The following ZNF544 variants were observed in gnomAD, a reference collection of about 807,000 sequenced individuals.
ZNF544 encodes the protein zinc finger protein 544.
A neutral mutation model predicts 13.5 loss-of-function variants in ZNF544; 10 were observed. The observed-to-expected ratio is 0.74, with a 90% confidence interval of 0.46 to 1.25. The LOEUF (loss-of-function observed/expected upper bound fraction) is 1.25, where lower values mean the gene tolerates loss of function less well. ZNF544 is among the 50% of genes most tolerant of loss of function. The pLI is 0.00. For missense variants in ZNF544, 896 were observed against 845.6 expected, an observed-to-expected ratio of 1.06 and a Z score of -0.74; for synonymous variants, 323 against 300.5, an observed-to-expected ratio of 1.07 and a Z score of -0.77.
chr19:58,276,334 C>G (rs549430276), exon 6 of ZNF544: 1 of 1,231,462 alleles, frequency 8.1e-7, no homozygotes, highest in African/African-American at 1.5e-5. Context: ...GAAGGGGATG[C>G]TGCCTGGGAG....
intron 6 of ZNF544, among the ~76,000 whole-genome samples, chr19:58,254,509 G>C (rs2046859976): frequency 6.6e-6 from 1 of 152,164 alleles, no homozygotes; most frequent in Non-Finnish European, 1.5e-5. Flanking sequence ...CCTCAGCCTA[G>C]GGTGTCCCCT....
At chr19:58,274,261 C>T (rs948052448) in intron 5 of ZNF544, among the ~76,000 whole-genome samples, 3 of 151,914 alleles carry the variant, frequency 2.0e-5, no homozygotes, top group East Asian at 1.9e-4. Context: ...AAGTTCTAAC[C>T]CATAGTACCT....
rs1251256528 is a variant in ZNF544 at position 58,262,694 on chromosome 19, C to T, written c.2088C>T (p.Ser696=). 2 of 1,612,256 alleles carry T rather than the reference C, an allele frequency of 1.2e-6. No homozygotes were observed. The highest frequency in any genetic ancestry group is 1.1e-5 in the South Asian group (1 of 90,992). Residue 696 remains serine (S), a synonymous_variant, in exon 7 of 7, where the codon TCC becomes TCT. Transcript: ENST00000687789. ...KPYECSDCGK[S]FRQQSQLVVH... ...ATGAATGTAGTGACTGTGGGAAATC[C>T]TTCCGGCAGCAATCTCAACTTGTAG...
At chr19:58,260,681 A>G (rs1031174694) in intron 6 of ZNF544, 170 bp from the exon 7 acceptor site, 8 of 614,860 alleles carry the variant, frequency 1.3e-5, no homozygotes, top group Non-Finnish European at 2.2e-5. Context: ...TACCACTGAT[A>G]CCATGTTTGC....
In ZNF544 at chr19:58,263,579, G is replaced by A; in HGVS notation, c.*825G>A. ...CATGTGCATCAGAATTGCCTGGAGT[G>A]TGCACTGAAACTGTGTATTACCAAG... is the stretch of plus-strand genomic sequence containing the variant. On this transcript the variant is annotated 3_prime_UTR_variant, in exon 7 of 7. Coordinates refer to ENST00000687789, the MANE Select transcript of ZNF544 (RefSeq NM_014480.4). 3 of 985,336 alleles carry A rather than the reference G, an allele frequency of 3.0e-6. No individual in the cohort carries two copies. The highest frequency in any genetic ancestry group is 3.6e-6 in the Non-Finnish European group (3 of 829,824). The allele number at this position is 985,336 out of a possible 1,614,324, so 61.0% of individuals were successfully genotyped here.
rs2046730221 is a variant in ZNF544 at position 58,253,877 on chromosome 19, T to C, written c.245-6974T>C. Among the ~76,000 whole-genome samples the C allele has an allele frequency of 2.0e-5, 3 of 152,248 alleles. No homozygotes were observed. In the South Asian group the frequency reaches 6.2e-4, roughly 31 times the overall value. On this transcript the variant is annotated intron_variant, in intron 6 of 6. Transcript: ENST00000687789. ...GCAAAGACAAATATAAAACCATATA[T>C]GTTGACAATTCTGAAGACATTTCTA...
intron 6 of ZNF544, 117 bp from the exon 7 acceptor site, chr19:58,260,734 T>C (rs964065552): frequency 6.3e-6 from 6 of 953,778 alleles, no homozygotes; most frequent in Non-Finnish European, 9.1e-6. Context: ...GGATTACAGT[T>C]TGTAGTTTGG....
rs79258645 is a variant in ZNF544, at chr19:58,262,449, C to T, written c.1843C>T (p.Arg615Ter). 19,033 of 1,614,126 alleles carry T rather than the reference C, an allele frequency of 0.012. 220 individuals carry two copies. Among genetic ancestry groups the T allele is most frequent in the South Asian group, 0.031 (2,798 of 91,088 alleles). Residue 615 changes from arginine (R) to a stop codon, truncating the protein, a stop_gained, in exon 7 of 7, where the codon CGA (arginine) becomes TGA (stop). Coordinates refer to ENST00000687789, the MANE Select transcript of ZNF544 (RefSeq NM_014480.4). LOFTEE classifies it low-confidence loss of function (END_TRUNC). ...TAACGAGTGTGGAAAAGCCTTCAAT[C>T]GAAGCACTCAGCTCATCAGGCATCT... ...ECNECGKAFN[R>*]STQLIRHLQI...
intron 5 of ZNF544, among the ~76,000 whole-genome samples, chr19:58,270,155 T>G (rs1191758377): frequency 6.6e-6 from 1 of 152,172 alleles, no homozygotes; most frequent in Non-Finnish European, 1.5e-5. Flanking sequence ...GAAAGTAGTG[T>G]TCACTTGACA....
chr19:58,246,619 C>T, intron 5 of ZNF544, 92 bp from the exon 6 acceptor site: 2 of 1,513,258 alleles, frequency 1.3e-6, no homozygotes, highest in Non-Finnish European at 1.8e-6. Context: ...GGGGAGTTTC[C>T]TCGGGACAGC....
intron 3 of ZNF544, among the ~76,000 whole-genome samples, chr19:58,239,865 C>T (rs953211772): frequency 2.7e-5 from 4 of 150,850 alleles, no homozygotes; most frequent in African/African-American, 7.3e-5. Flanking sequence ...CGCCACTACA[C>T]TCCAGCCTGG....
chr19:58,273,413 G>A (rs557244285), intron 5 of ZNF544, among the ~76,000 whole-genome samples: 2 of 152,162 alleles, frequency 1.3e-5, no homozygotes, highest in Admixed American at 6.5e-5. Flanking sequence ...AGCCTAGGCC[G>A]GGAACGATGG....
chr19:58,246,708 C>T lies in ZNF544; in HGVS notation c.161-3C>T. ...GGCAAGTCCTTTTTCCGTCTTTGAC[C>T]AGGGCTTTTCCTTTCCAAATCTGAT... On this transcript the variant is annotated splice_region_variant and splice_polypyrimidine_tract_variant and intron_variant, in intron 5 of 6. Coordinates refer to ENST00000687789, the MANE Select transcript of ZNF544 (RefSeq NM_014480.4). 6.2e-7 allele frequency: 1 copy of T among 1,613,892 alleles called. No individual in the cohort carries two copies. The highest frequency in any genetic ancestry group is 8.5e-7 in the Non-Finnish European group (1 of 1,179,924).
At chr19:58,242,250 G>T (rs911010014) in intron 3 of ZNF544, 1 of 985,212 alleles carries the variant, frequency 1.0e-6, no homozygotes, top group Admixed American at 6.2e-5. Flanking sequence ...CCCCAGCACC[G>T]CAACATCTGC....
At chr19:58,237,543 C>T (rs2042679037) in intron 3 of ZNF544, among the ~76,000 whole-genome samples, 1 of 152,232 alleles carries the variant, frequency 6.6e-6, no homozygotes, top group African/African-American at 2.4e-5. Flanking sequence ...ACCTCACGGG[C>T]TGACGGAGCC....
Position 58,260,878 on chromosome 19 carries a change from G to A in ZNF544, c.272G>A (p.Arg91Lys), listed in dbSNP as rs559577185. Residue 91 changes from arginine (R) to lysine (K), a missense_variant, in exon 7 of 7, where the codon AGG (arginine) becomes AAG (lysine). Arg to Lys is a conservative substitution (Grantham distance 26). Coordinates refer to ENST00000687789, the MANE Select transcript of ZNF544 (RefSeq NM_014480.4). The stretch of plus-strand genomic sequence containing the variant: ...TGGAAAGCTACCCTTGAGGAGAATA[G>A]GTTGAATTCTGAAAAAGATCGAGCT... ...RDWKATLEENRLNSEKDRARE... is the reference protein window; with the variant it reads ...RDWKATLEENKLNSEKDRARE... 1.9e-6 allele frequency: 3 copies of A among 1,609,474 alleles called. No homozygotes were observed. The South Asian group carries it at 3.3e-5, about 18-fold the overall frequency.
At chr19:58,249,400 C>T (rs2045934141) in intron 6 of ZNF544, among the ~76,000 whole-genome samples, 1 of 152,186 alleles carries the variant, frequency 6.6e-6, no homozygotes, top group African/African-American at 2.4e-5. Context: ...GTGGTGTCTC[C>T]ACCTGGAACT....
Position 58,246,781 on chromosome 19 carries a change from G to T in ZNF544, c.231G>T (p.Gln77His), listed in dbSNP as rs752200098. Residue 77 changes from glutamine to histidine, a missense_variant, in exon 6 of 7, where the codon CAG becomes CAT. Coordinates refer to ENST00000687789, the MANE Select transcript of ZNF544 (RefSeq NM_014480.4). ...AAGAGGACCTGTGCAGGGCAGAGCA[G>T]GAGGCCCCCCGAGGTAAGAGCAGAC... ...EQEEDLCRAE[Q>H]EAPRDWKATL... The T allele has an allele frequency of 6.2e-7, 1 of 1,613,920 alleles. No individual in the cohort carries two copies. Among genetic ancestry groups the T allele is most frequent in the Non-Finnish European group, 8.5e-7 (1 of 1,179,936 alleles).
Position 58,262,029 on chromosome 19 carries a change from C to T in ZNF544, c.1423C>T (p.Gln475Ter). Residue 475 changes from glutamine (Q) to a stop codon, truncating the protein, a stop_gained, in exon 7 of 7, where the codon CAA (glutamine) becomes TAA (stop). Transcript: ENST00000687789. LOFTEE classifies it low-confidence loss of function (END_TRUNC). ...ECTHCGKSFS[Q>*]SYELVTHKRT... ...CACTCACTGTGGAAAGTCCTTCAGC[C>T]AAAGCTATGAGTTAGTTACACATAA... 1.9e-6 allele frequency: 3 copies of T among 1,612,110 alleles called. No individual in the cohort carries two copies. The highest frequency in any genetic ancestry group is 1.7e-4 in the Middle Eastern group (1 of 6,032).
Sources: gnomAD v4.1 joint callset for allele counts (sites outside exome capture counted in the v4.1 genomes callset) on GRCh38, gnomAD v4.1.1 for gene constraint, MANE v1.5 for transcripts, NCBI Gene and HGNC (gene_info 2026-07-23, HGNC 2026-07-21) for gene names.